GPR158: variants seen among roughly 807,000 people sequenced by gnomAD.
The protein encoded by GPR158 is metabotropic glycine receptor.
In GPR158, 30 loss-of-function variants were observed where a neutral mutation model predicts 78.2. The ratio of observed to expected loss-of-function variants is 0.38; its 90% CI spans 0.29 to 0.52. The LOEUF is 0.52. Ranked by LOEUF, GPR158 falls within the 20% of genes least tolerant of loss-of-function variation. The pLI, the probability that GPR158 is intolerant of heterozygous loss-of-function variation, is 0.83. For missense variants in GPR158, 1,463 were observed against 1,523.5 expected (o/e 0.96, Z 0.66); for synonymous variants, 581 against 591.1 (o/e 0.98, Z 0.25).
chr10:25,449,189 C>A (rs943339469), intron 4 of GPR158, among the ~76,000 whole-genome samples: 2 of 152,168 alleles, frequency 1.3e-5, no homozygotes, highest in African/African-American at 4.8e-5. Flanking sequence ...ATAATCAAAT[C>A]TTATGTATGA....
intron 7 of GPR158, among the ~76,000 whole-genome samples, chr10:25,578,518 G>C (rs1837137184): frequency 6.6e-6 from 1 of 152,170 alleles, no homozygotes; most frequent in South Asian, 2.1e-4. Context: ...GAAACTAATG[G>C]ATAATTGCTG....
intron 2 of GPR158, among the ~76,000 whole-genome samples, chr10:25,289,832 T>A (rs1854409292): frequency 6.6e-6 from 1 of 152,220 alleles, no homozygotes; most frequent in Admixed American, 6.5e-5. Flanking sequence ...AAAAATATGA[T>A]TTGAATTTTG....
chr10:25,546,345 G>T (rs1462984682), intron 5 of GPR158, among the ~76,000 whole-genome samples: 2 of 152,086 alleles, frequency 1.3e-5, no homozygotes, highest in Admixed American at 6.6e-5. Flanking sequence ...AAGAGTCAAG[G>T]CAATCAAGCA....
chr10:25,594,467 A>T, intron 9 of GPR158, 70 bp downstream of exon 9: 1 of 611,846 alleles, frequency 1.6e-6, no homozygotes, highest in Non-Finnish European at 2.8e-6. Context: ...TTTATCCTAT[A>T]GGCAAAAGGA....
intron 4 of GPR158, among the ~76,000 whole-genome samples, chr10:25,458,829 T>C (rs745850253): frequency 5.3e-5 from 8 of 152,174 alleles, no homozygotes; most frequent in Non-Finnish European, 1.0e-4. Context: ...ACTTTGGGAG[T>C]CTCTGCCATG....
At chr10:25,497,820 T>C (rs987435165) in intron 5 of GPR158, among the ~76,000 whole-genome samples, 1 of 152,242 alleles carries the variant, frequency 6.6e-6, no homozygotes, top group Non-Finnish European at 1.5e-5. Context: ...AGTACCCTTC[T>C]ACTTTTTTGT....
chr10:25,412,191 C>T (rs754041560), intron 3 of GPR158, 59 bp from the exon 4 acceptor site: 5 of 1,157,614 alleles, frequency 4.3e-6, no homozygotes, highest in African/African-American at 3.0e-5. Context: ...TGACTCTATA[C>T]TCAATCTTAC....
intron 1 of GPR158, among the ~76,000 whole-genome samples, chr10:25,186,742 A>G (rs1332513383): frequency 6.6e-6 from 1 of 152,154 alleles, no homozygotes; most frequent in African/African-American, 2.4e-5. Context: ...TAGCCTATCA[A>G]CCAAAAAAAG....
chr10:25,296,526 G>C (rs1248362742), intron 2 of GPR158, among the ~76,000 whole-genome samples: 1 of 151,916 alleles, frequency 6.6e-6, no homozygotes, highest in Non-Finnish European at 1.5e-5. Flanking sequence ...ATTATTGATT[G>C]ATCTTTCCTT....
intron 1 of GPR158, among the ~76,000 whole-genome samples, chr10:25,212,338 T>A (rs1174469665): frequency 6.6e-6 from 1 of 152,022 alleles, no homozygotes; most frequent in Non-Finnish European, 1.5e-5. Flanking sequence ...AAGCGGGGTG[T>A]GCTACACACT....
At chr10:25,316,832 G>A (rs1854858045) in intron 2 of GPR158, among the ~76,000 whole-genome samples, 1 of 151,328 alleles carries the variant, frequency 6.6e-6, no homozygotes, top group African/African-American at 2.4e-5. Context: ...TTGGATTAAG[G>A]TCATTTAATT....
chr10:25,295,365 A>G (rs1854496698), intron 2 of GPR158, among the ~76,000 whole-genome samples: 1 of 152,198 alleles, frequency 6.6e-6, no homozygotes, highest in South Asian at 2.1e-4. Flanking sequence ...TGACTTCAAC[A>G]ACAAATGAGA....
intron 2 of GPR158, among the ~76,000 whole-genome samples, chr10:25,224,686 A>G (rs1853349082): frequency 6.6e-6 from 1 of 152,108 alleles, no homozygotes; most frequent in Admixed American, 6.6e-5. Context: ...GTCATGGTTG[A>G]AAAAGATTCC....
intron 6 of GPR158, among the ~76,000 whole-genome samples, chr10:25,558,106 T>G (rs1368925602): frequency 6.6e-6 from 1 of 152,264 alleles, no homozygotes; most frequent in Admixed American, 6.5e-5. Flanking sequence ...ATTTTATGTC[T>G]AGATTTCTGA....
intron 5 of GPR158, among the ~76,000 whole-genome samples, chr10:25,498,563 G>A (rs983679396): frequency 1.3e-5 from 2 of 152,322 alleles, no homozygotes; most frequent in Admixed American, 1.3e-4. Flanking sequence ...AATCACTTCT[G>A]TAATGTGTTG....
intron 3 of GPR158, among the ~76,000 whole-genome samples, chr10:25,407,139 T>A (rs1376074715): frequency 2.0e-5 from 3 of 152,184 alleles, no homozygotes; most frequent in Non-Finnish European, 2.9e-5. Flanking sequence ...ATGTCCAAGT[T>A]CTTATCTTAA....
chr10:25,192,213 T>C (rs1383313494), intron 1 of GPR158, among the ~76,000 whole-genome samples: 1 of 152,182 alleles, frequency 6.6e-6, no homozygotes, highest in African/African-American at 2.4e-5. Flanking sequence ...TAGTAGTCCC[T>C]CCTGGGTTCA....
chr10:25,342,082 G>A (rs140905373), intron 2 of GPR158, among the ~76,000 whole-genome samples: 3 of 151,690 alleles, frequency 2.0e-5, no homozygotes, highest in South Asian at 2.1e-4. Context: ...TAACATACAC[G>A]CTTGCCTGAT....
chr10:25,418,593 T>A (rs536037556), intron 4 of GPR158, among the ~76,000 whole-genome samples: 1 of 150,912 alleles, frequency 6.6e-6, no homozygotes, highest in Non-Finnish European at 1.5e-5. Flanking sequence ...ATTCTACATT[T>A]TTTACTAAAT....
Sources: gnomAD v4.1 joint callset for allele counts (sites outside exome capture counted in the v4.1 genomes callset) on GRCh38, gnomAD v4.1.1 for gene constraint, MANE v1.5 for transcripts, NCBI Gene and HGNC (gene_info 2026-07-23, HGNC 2026-07-21) for gene names.